MSI2: variants seen among roughly 807,000 people sequenced by gnomAD.
MSI2 encodes the protein musashi RNA binding protein 2.
In MSI2, 17 loss-of-function variants were observed where a neutral mutation model predicts 45.6. The observed-to-expected ratio is 0.37, with a 90% CI of 0.26 to 0.56. The LOEUF is 0.56. Among genes scored for constraint, MSI2 ranks in the 20% least tolerant of loss-of-function variants. The pLI is 0.77. For synonymous variants in MSI2, 156 were observed against 158.2 expected, an observed-to-expected ratio of 0.99 and a Z score of 0.11; for missense variants, 293 against 444.2, an observed-to-expected ratio of 0.66 and a Z score of 3.06.
intron 10 of MSI2, among the ~76,000 whole-genome samples, chr17:57,646,609 A>G (rs1215826092): frequency 6.6e-6 from 1 of 152,218 alleles, no homozygotes; most frequent in Admixed American, 6.5e-5. Context: ...GTCGTGTCCA[A>G]TTGCACAGCA....
chr17:57,422,153 G>A (rs1286163594), intron 6 of MSI2, among the ~76,000 whole-genome samples: 1 of 152,040 alleles, frequency 6.6e-6, no homozygotes, highest in Non-Finnish European at 1.5e-5. Flanking sequence ...GGTACTACAC[G>A]AACTGCTTTT....
intron 6 of MSI2, among the ~76,000 whole-genome samples, chr17:57,468,626 T>G (rs1454055121): frequency 6.6e-6 from 1 of 152,008 alleles, no homozygotes; most frequent in African/African-American, 2.4e-5. Flanking sequence ...TGACATCTCT[T>G]GAAGAAGAGA....
At chr17:57,305,657 C>G (rs1020137388) in intron 5 of MSI2, among the ~76,000 whole-genome samples, 1 of 152,118 alleles carries the variant, frequency 6.6e-6, no homozygotes, top group African/African-American at 2.4e-5. Flanking sequence ...TCACAACAAC[C>G]CTGGAGGATC....
At chr17:57,297,193 T>G (rs910260982) in intron 5 of MSI2, among the ~76,000 whole-genome samples, 3 of 151,792 alleles carry the variant, frequency 2.0e-5, no homozygotes, top group Non-Finnish European at 2.9e-5. Flanking sequence ...TTTTTGTTTT[T>G]TTTTTTTTTA....
At chr17:57,490,576 G>T (rs2085850885) in intron 6 of MSI2, among the ~76,000 whole-genome samples, 1 of 152,238 alleles carries the variant, frequency 6.6e-6, no homozygotes, top group Non-Finnish European at 1.5e-5. Flanking sequence ...GCATGGTTGG[G>T]ACAGAAGTTG....
At chr17:57,334,638 A>T (rs1028856414) in intron 5 of MSI2, among the ~76,000 whole-genome samples, 2 of 152,138 alleles carry the variant, frequency 1.3e-5, no homozygotes, top group Non-Finnish European at 2.9e-5. Context: ...TACTAAAAAT[A>T]CAAAAATTAG....
intron 5 of MSI2, among the ~76,000 whole-genome samples, chr17:57,362,001 G>A (rs1032493049): frequency 4.6e-5 from 7 of 152,110 alleles, no homozygotes; most frequent in Admixed American, 4.6e-4. Context: ...TAAAACTGAG[G>A]TCTCCTGGAA....
intron 12 of MSI2, among the ~76,000 whole-genome samples, chr17:57,675,687 G>A (rs1339826942): frequency 6.6e-6 from 1 of 152,178 alleles, no homozygotes; most frequent in Non-Finnish European, 1.5e-5. Flanking sequence ...GTGGTGTGGG[G>A]ATCCAAGCCC....
intron 6 of MSI2, among the ~76,000 whole-genome samples, chr17:57,447,451 A>T (rs2143515770): frequency 6.6e-6 from 1 of 152,152 alleles, no homozygotes; most frequent in South Asian, 2.1e-4. Context: ...CGGCCCCTGG[A>T]TAGGGGGGAC....
At chr17:57,605,491 G>A (rs139017653) in intron 8 of MSI2, among the ~76,000 whole-genome samples, 1 of 152,144 alleles carries the variant, frequency 6.6e-6, no homozygotes, top group Non-Finnish European at 1.5e-5. Flanking sequence ...TTTTCTGAAC[G>A]TGCTGCCACC....
At chr17:57,630,330 T>C (rs560614529) in intron 10 of MSI2, 3 of 152,376 alleles carry the variant, frequency 2.0e-5, no homozygotes, top group South Asian at 4.1e-4. Context: ...GGCATTACAA[T>C]GTACAGACAG....
At chr17:57,389,494 C>A (rs1389775747) in intron 5 of MSI2, among the ~76,000 whole-genome samples, 1 of 152,202 alleles carries the variant, frequency 6.6e-6, no homozygotes, top group East Asian at 1.9e-4. Flanking sequence ...CTTTAAGCTG[C>A]AGGTCATGCC....
At chr17:57,257,690 C>T in intron 3 of MSI2, 143 bp downstream of exon 3, 1 of 599,044 alleles carries the variant, frequency 1.7e-6, no homozygotes, top group Non-Finnish European at 3.0e-6. Flanking sequence ...TATACCACCC[C>T]CACCGCCCCC....
intron 7 of MSI2, among the ~76,000 whole-genome samples, chr17:57,550,932 G>A (rs1016537651): frequency 7.2e-5 from 11 of 152,190 alleles, no homozygotes; most frequent in African/African-American, 2.7e-4. Context: ...AATTTTTCAG[G>A]AGCCATTTTT....
intron 7 of MSI2, among the ~76,000 whole-genome samples, chr17:57,587,943 T>C (rs1380164547): frequency 6.6e-6 from 1 of 152,110 alleles, no homozygotes; most frequent in Non-Finnish European, 1.5e-5. Context: ...TTTATTATAG[T>C]TTACAGCAAC....
At chr17:57,648,011 G>T (rs1910819699) in intron 10 of MSI2, among the ~76,000 whole-genome samples, 1 of 152,040 alleles carries the variant, frequency 6.6e-6, no homozygotes, top group Admixed American at 6.6e-5. Context: ...CACCCAGGCT[G>T]GAGTGCAGTG....
chr17:57,445,276 A>T (rs1020503401), intron 6 of MSI2, among the ~76,000 whole-genome samples: 8 of 152,208 alleles, frequency 5.3e-5, no homozygotes, highest in Non-Finnish European at 8.8e-5. Flanking sequence ...AAGTGTGTGA[A>T]GGAAGATGTT....
At chr17:57,483,242 C>A (rs577336643) in intron 6 of MSI2, among the ~76,000 whole-genome samples, 1 of 151,918 alleles carries the variant, frequency 6.6e-6, no homozygotes, top group Non-Finnish European at 1.5e-5. Context: ...ATTCTTTATT[C>A]CTTTACTTTT....
chr17:57,374,145 AAGAC>A (rs2083459464), intron 5 of MSI2, among the ~76,000 whole-genome samples: 1 of 152,240 alleles, frequency 6.6e-6, no homozygotes. Flanking sequence ...TCCAGAATTT[AAGAC>A]AGACAAAGAC....
Sources: gnomAD v4.1 joint callset for allele counts (sites outside exome capture counted in the v4.1 genomes callset) on GRCh38, gnomAD v4.1.1 for gene constraint, MANE v1.5 for transcripts, NCBI Gene and HGNC (gene_info 2026-07-23, HGNC 2026-07-21) for gene names.